Variants in PIK3AP1 observed in about 807,000 individuals in gnomAD.
PIK3AP1 encodes the protein phosphoinositide 3-kinase adapter protein 1.
In PIK3AP1, 21 loss-of-function variants were observed where a neutral mutation model predicts 88.1. The ratio of observed to expected loss-of-function variants is 0.24; its 90% CI spans 0.17 to 0.34. The LOEUF is 0.34. Among genes scored for constraint, PIK3AP1 ranks in the 10% least tolerant of loss-of-function variants. The pLI, the probability that PIK3AP1 is intolerant of heterozygous loss-of-function variation, is 1.00. For synonymous variants in PIK3AP1, 398 were observed against 400.0 expected (o/e 1.00, Z 0.06); for missense variants, 828 against 1,035.7 (o/e 0.80, Z 2.75).
intron 12 of PIK3AP1, among the ~76,000 whole-genome samples, chr10:96,617,706 A>G (rs528712036): frequency 2.0e-5 from 3 of 152,322 alleles, no homozygotes; most frequent in Non-Finnish European, 4.4e-5. Flanking sequence ...AGGACCAAGC[A>G]GGACACACCG....
At chr10:96,650,064 G>T (rs191444834) in intron 6 of PIK3AP1, among the ~76,000 whole-genome samples, 5 of 152,242 alleles carry the variant, frequency 3.3e-5, no homozygotes, top group African/African-American at 4.8e-5. Context: ...GGAATGAAGG[G>T]TCTGAAAATA....
chr10:96,637,184 A>G (rs1843322733), intron 8 of PIK3AP1, among the ~76,000 whole-genome samples: 1 of 152,122 alleles, frequency 6.6e-6, no homozygotes. Flanking sequence ...CTGGAACACA[A>G]TGGGTCAGTT....
At chr10:96,604,299 C>A (rs1848961430) in intron 14 of PIK3AP1, among the ~76,000 whole-genome samples, 1 of 150,396 alleles carries the variant, frequency 6.6e-6, no homozygotes, top group Non-Finnish European at 1.5e-5. Flanking sequence ...TGCCTTAGCC[C>A]CCTAAGTAGC....
At chr10:96,714,829 G>A (rs1188657976) in intron 1 of PIK3AP1, among the ~76,000 whole-genome samples, 2 of 152,090 alleles carry the variant, frequency 1.3e-5, no homozygotes, top group Non-Finnish European at 2.9e-5. Flanking sequence ...GAAATATACA[G>A]GAGTCCATAC....
intron 3 of PIK3AP1, 118 bp from the exon 4 acceptor site, chr10:96,652,960 A>AG: frequency 8.2e-7 from 1 of 1,214,036 alleles, no homozygotes; most frequent in Non-Finnish European, 1.1e-6. Flanking sequence ...CTCTGGGGAC[A>AG]GGGTGGACTC....
intron 6 of PIK3AP1, among the ~76,000 whole-genome samples, chr10:96,649,061 T>G (rs1213007678): frequency 6.6e-6 from 1 of 152,182 alleles, no homozygotes; most frequent in Non-Finnish European, 1.5e-5. Flanking sequence ...TAATTTTTTT[T>G]GTTGAGATGG....
intron 2 of PIK3AP1, among the ~76,000 whole-genome samples, chr10:96,666,407 A>G (rs961055734): frequency 1.3e-5 from 2 of 152,200 alleles, no homozygotes; most frequent in South Asian, 2.1e-4. Context: ...CAACAGAGTG[A>G]GACTCCATCT....
intron 2 of PIK3AP1, chr10:96,700,740 C>A: frequency 1.1e-6 from 1 of 876,786 alleles, no homozygotes; most frequent in African/African-American, 1.8e-5. Flanking sequence ...GAGATCCAAG[C>A]CTAGATTTTC....
At chr10:96,711,776 A>C (rs1331622587) in intron 1 of PIK3AP1, among the ~76,000 whole-genome samples, 1 of 71,422 alleles carries the variant, frequency 1.4e-5, no homozygotes, top group Non-Finnish European at 2.4e-5. Context: ...TTTTAGACGG[A>C]GTCTCGCTCT....
intron 8 of PIK3AP1, among the ~76,000 whole-genome samples, chr10:96,642,179 C>G (rs529676248): frequency 6.6e-6 from 1 of 152,234 alleles, no homozygotes; most frequent in East Asian, 1.9e-4. Context: ...AATCCCGGCA[C>G]TTTGGGAGGC....
chr10:96,615,410 T>C (rs1051955829), intron 13 of PIK3AP1, among the ~76,000 whole-genome samples: 5 of 152,170 alleles, frequency 3.3e-5, no homozygotes, highest in Non-Finnish European at 7.4e-5. Flanking sequence ...CATGGGGAGA[T>C]GACTGAGTGA....
At chr10:96,650,407 C>T (rs1339116909) in intron 6 of PIK3AP1, among the ~76,000 whole-genome samples, 1 of 152,184 alleles carries the variant, frequency 6.6e-6, no homozygotes, top group African/African-American at 2.4e-5. Context: ...AGCATCATCC[C>T]CGTGCAAGGG....
At chr10:96,704,315 C>T (rs1844335444) in intron 2 of PIK3AP1, among the ~76,000 whole-genome samples, 2 of 152,192 alleles carry the variant, frequency 1.3e-5, no homozygotes, top group African/African-American at 4.8e-5. Context: ...TCCCATGCGA[C>T]AGAGGTACAT....
At chr10:96,674,642 C>T (rs1233602541) in intron 2 of PIK3AP1, among the ~76,000 whole-genome samples, 3 of 152,148 alleles carry the variant, frequency 2.0e-5, no homozygotes, top group African/African-American at 4.8e-5. Context: ...ATGGATGAAT[C>T]GATGAATGAG....
At chr10:96,625,809 C>T (rs1241105461) in intron 10 of PIK3AP1, among the ~76,000 whole-genome samples, 2 of 152,162 alleles carry the variant, frequency 1.3e-5, no homozygotes. Flanking sequence ...AATGCAGTGG[C>T]TCAATCTCGG....
chr10:96,664,811 T>C (rs1843738906), intron 2 of PIK3AP1, among the ~76,000 whole-genome samples: 1 of 152,200 alleles, frequency 6.6e-6, no homozygotes, highest in African/African-American at 2.4e-5. Context: ...TGGCGCTGAT[T>C]GACAAGCCAC....
chr10:96,712,182 G>C (rs1400109266), intron 1 of PIK3AP1, among the ~76,000 whole-genome samples: 4 of 152,154 alleles, frequency 2.6e-5, no homozygotes, highest in Non-Finnish European at 5.9e-5. Context: ...TTCTTAGCAG[G>C]AGCAAGTTGA....
chr10:96,685,068 G>T (rs1818416003), intron 2 of PIK3AP1, among the ~76,000 whole-genome samples: 1 of 152,168 alleles, frequency 6.6e-6, no homozygotes, highest in Non-Finnish European at 1.5e-5. Context: ...AGGAAGCAAA[G>T]AATGTTTTGG....
chr10:96,653,447 CA>C (rs1258209350), intron 3 of PIK3AP1, among the ~76,000 whole-genome samples: 1 of 129,958 alleles, frequency 7.7e-6, no homozygotes, highest in Admixed American at 7.7e-5. Flanking sequence ...ACAAAACAAA[CA>C]AAAAAAACCT....
Sources: allele counts gnomAD v4.1 joint callset (sites outside exome capture counted in the v4.1 genomes callset), GRCh38; gene constraint gnomAD v4.1.1; transcripts MANE v1.5; gene names NCBI Gene and HGNC (gene_info 2026-07-23, HGNC 2026-07-21).